LINGO1: variants seen among roughly 807,000 people sequenced by gnomAD.
The protein encoded by LINGO1 is leucine rich repeat and Ig domain containing 1.
In LINGO1, 11 loss-of-function variants were observed where a neutral mutation model predicts 37.3. The ratio of observed to expected loss-of-function variants is 0.29; its 90% CI spans 0.19 to 0.49. The LOEUF is 0.49. Ranked by LOEUF, LINGO1 falls within the 20% of genes least tolerant of loss-of-function variation. The pLI is 0.99. For synonymous variants in LINGO1, 387 were observed against 403.0 expected (o/e 0.96, Z 0.48); for missense variants, 585 against 878.2 (o/e 0.67, Z 4.22).
chr15:77,813,814 G>A (rs755065218), intron 1 of LINGO1, among the ~76,000 whole-genome samples: 3 of 152,322 alleles, frequency 2.0e-5, no homozygotes, highest in East Asian at 1.9e-4. Flanking sequence ...GGGGAAAGCC[G>A]AGGCTCAAAG....
At chr15:77,752,168 C>T (rs781598531) in intron 1 of LINGO1, among the ~76,000 whole-genome samples, 2 of 152,208 alleles carry the variant, frequency 1.3e-5, no homozygotes, top group Non-Finnish European at 2.9e-5. Flanking sequence ...AAGGAGATAG[C>T]ATCCCTGGAA....
intron 2 of LINGO1, among the ~76,000 whole-genome samples, chr15:77,701,969 AAG>A (rs2075789470): frequency 6.6e-6 from 1 of 152,210 alleles, no homozygotes; most frequent in Non-Finnish European, 1.5e-5. Context: ...AAGAGAGATG[AAG>A]GCCCAGCTGA....
chr15:77,623,571 C>T (rs1407221444), intron 1 of LINGO1, among the ~76,000 whole-genome samples: 3 of 152,176 alleles, frequency 2.0e-5, no homozygotes, highest in Non-Finnish European at 2.9e-5. Flanking sequence ...TGCAGTCCTG[C>T]GCCCAGGCTG....
intron 1 of LINGO1, among the ~76,000 whole-genome samples, chr15:77,810,185 C>T (rs1162697553): frequency 6.6e-6 from 1 of 151,812 alleles, no homozygotes; most frequent in Non-Finnish European, 1.5e-5. Context: ...ACCTGCACAG[C>T]TCTTCTCCTC....
chr15:77,637,814 A>G (rs908513219), upstream of LINGO1, among the ~76,000 whole-genome samples: 1 of 152,198 alleles, frequency 6.6e-6, no homozygotes, highest in Non-Finnish European at 1.5e-5. This position sits in a 1 kb window ranked among gnomAD's most constrained non-coding sequence, Gnocchi z 4.6. Context: ...TGTCTCCTCC[A>G]GTTTCCACAG....
chr15:77,806,131 G>T (rs746710577), intron 1 of LINGO1, among the ~76,000 whole-genome samples: 1 of 152,170 alleles, frequency 6.6e-6, no homozygotes, highest in South Asian at 2.1e-4. Flanking sequence ...TGCAAACAGC[G>T]ATGCCACTGG....
intron 2 of LINGO1, among the ~76,000 whole-genome samples, chr15:77,732,657 G>T (rs2076164433): frequency 6.6e-6 from 1 of 152,370 alleles, no homozygotes; most frequent in Admixed American, 6.5e-5. Context: ...TTCCCCTCAG[G>T]CAGAGCTTCC....
rs539304253 is a variant in LINGO1, at chr15:77,723,510, C to T, written c.-195+11482G>A. ...CGGCACGTGTCCCAGGCTTTACCTG[C>T]GCCTCTCCATCAACCCTTAGCACCA... On this transcript the variant is annotated intron_variant, in intron 2 of 3. Transcript: ENST00000561686. Among the ~76,000 whole-genome samples, 58 of 152,350 alleles carry T rather than the reference C, an allele frequency of 3.8e-4. 1 individual carries two copies. Among genetic ancestry groups the T allele is most frequent in the South Asian group, 1.7e-3 (8 of 4,832 alleles).
intron 1 of LINGO1, among the ~76,000 whole-genome samples, chr15:77,624,965 G>C (rs1332963090): frequency 6.6e-6 from 1 of 152,136 alleles, no homozygotes; most frequent in Non-Finnish European, 1.5e-5. Flanking sequence ...GGCCCCCAGC[G>C]CCATCCCCTG....
intron 3 of LINGO1, among the ~76,000 whole-genome samples, chr15:77,656,216 C>T (rs1193806369): frequency 1.3e-5 from 2 of 152,282 alleles, no homozygotes; most frequent in East Asian, 3.9e-4. Context: ...AGAGAGAACT[C>T]CAGACCCCAC....
At chr15:77,628,273 T>C (rs113286100) in intron 1 of LINGO1, among the ~76,000 whole-genome samples, 70 of 152,316 alleles carry the variant, frequency 4.6e-4, no homozygotes, top group African/African-American at 1.6e-3. Flanking sequence ...CCTGGCAGCA[T>C]TGTTTGTAAG....
rs187916105 is a variant in LINGO1 at position 77,741,110 on chromosome 15, C to T, written c.-256-6057G>A. The stretch of plus-strand genomic sequence containing the variant: ...CTGGAGAAGCCCAAACCTAGGCCAG[C>T]GGGGGCAAGAGGCACCTGAAGTGCT... On this transcript the variant is annotated intron_variant, in intron 1 of 3. Coordinates refer to the LINGO1 transcript ENST00000561686. Among the ~76,000 whole-genome samples the T allele has an allele frequency of 6.2e-4, 94 of 152,296 alleles. 1 individual carries two copies. Among genetic ancestry groups the T allele is most frequent in the Admixed American group, 1.8e-3 (27 of 15,302 alleles).
chr15:77,733,276 C>T (rs1047353098), intron 2 of LINGO1, among the ~76,000 whole-genome samples: 8 of 152,310 alleles, frequency 5.3e-5, no homozygotes, highest in Non-Finnish European at 1.2e-4. Flanking sequence ...TGTCCAAGTA[C>T]GGAGGAGAGG....
rs1345229075 is a variant in LINGO1 at position 77,749,764 on chromosome 15, T to C, written c.-256-14711A>G. Among the ~76,000 whole-genome samples the C allele has an allele frequency of 3.2e-4, 48 of 152,218 alleles. 1 individual carries two copies. The highest frequency in any genetic ancestry group is 4.4e-5 in the Non-Finnish European group (3 of 68,032). ...CAAATAAGGGGAAGAAGTCAGTTAT[T>C]GGCCATAGAGTTAGTCAAACATCTT... On this transcript the variant is annotated intron_variant, in intron 1 of 3. Coordinates refer to the LINGO1 transcript ENST00000561686.
chr15:77,810,198 G>A (rs139190654), intron 1 of LINGO1, among the ~76,000 whole-genome samples: 15 of 151,676 alleles, frequency 9.9e-5, no homozygotes, highest in Non-Finnish European at 2.2e-4. Context: ...TTCTCCTCTC[G>A]GGTAAGTAAC....
chr15:77,817,683 C>T (rs1216416552), intron 1 of LINGO1, among the ~76,000 whole-genome samples: 2 of 152,208 alleles, frequency 1.3e-5, no homozygotes, highest in African/African-American at 2.4e-5. Context: ...CCACACGCAG[C>T]AGGAGCCCGC....
At chr15:77,675,902 C>G (rs1381669838) in intron 3 of LINGO1, among the ~76,000 whole-genome samples, 1 of 152,210 alleles carries the variant, frequency 6.6e-6, no homozygotes, top group East Asian at 1.9e-4. Context: ...CTCTGGCTCC[C>G]CAAAGTGCTC....
At chr15:77,748,588 GC>G (rs1168754333) in intron 1 of LINGO1, among the ~76,000 whole-genome samples, 1 of 152,210 alleles carries the variant, frequency 6.6e-6, no homozygotes, top group Non-Finnish European at 1.5e-5. Flanking sequence ...ATGGGAAGAA[GC>G]AACACATGGA....
At chr15:77,712,416 C>A (rs186175141) in intron 2 of LINGO1, among the ~76,000 whole-genome samples, 16 of 152,274 alleles carry the variant, frequency 1.1e-4, no homozygotes, top group African/African-American at 3.1e-4. Context: ...CCCCCCTCCC[C>A]CTAAGCAGTA....
Sources: allele counts gnomAD v4.1 joint callset (sites outside exome capture counted in the v4.1 genomes callset), GRCh38; gene constraint gnomAD v4.1.1; non-coding constraint Gnocchi (gnomAD v3.1); transcripts MANE v1.5; gene names NCBI Gene and HGNC (gene_info 2026-07-23, HGNC 2026-07-21).